Variants in ZC3H3 observed in about 807,000 individuals in gnomAD.
The protein encoded by ZC3H3 is zinc finger CCCH-type containing 3, also known as zinc finger CCCH domain-containing protein 3.
Under a neutral mutation model 77.3 loss-of-function variants are expected in ZC3H3, and 36 were observed. The observed-to-expected ratio is 0.47, with a 90% confidence interval of 0.36 to 0.61. ZC3H3 has a LOEUF of 0.61. Among genes scored for constraint, ZC3H3 ranks in the 20% least tolerant of loss-of-function variants. The pLI is 0.00. For synonymous variants in ZC3H3, 626 were observed against 555.2 expected, an observed-to-expected ratio of 1.13 and a Z score of -1.79; for missense variants, 1,331 against 1,312.2, an observed-to-expected ratio of 1.01 and a Z score of -0.22.
At chr8:143,469,042 C>T (rs559767175) in intron 5 of ZC3H3, among the ~76,000 whole-genome samples, 4 of 152,368 alleles carry the variant, frequency 2.6e-5, no homozygotes, top group Admixed American at 1.3e-4. Context: ...CTCCCCAGGG[C>T]CACGCTTTGC....
rs1265754741 is a variant in ZC3H3, at chr8:143,494,310, A to C, written c.1715+13436T>G. ...GTTTTCTCAAATGACAGAGTATCTCAGAGAGCGTGAGTGAGCAGCTCAGGC... is the reference window on the plus strand; with the variant it reads ...GTTTTCTCAAATGACAGAGTATCTCCGAGAGCGTGAGTGAGCAGCTCAGGC... On this transcript the variant is annotated intron_variant, in intron 4 of 11. Transcript: ENST00000262577. This position sits in a 1 kb window ranked among gnomAD's most constrained non-coding sequence, Gnocchi z 5.3. 6.6e-6 allele frequency among the ~76,000 whole-genome samples: 1 copy of C among 152,230 alleles called. No individual in the cohort carries two copies. The highest frequency in any genetic ancestry group is 2.4e-5 in the African/African-American group (1 of 41,468).
intron 5 of ZC3H3, among the ~76,000 whole-genome samples, 166 bp from the exon 6 acceptor site, chr8:143,468,825 T>G (rs1312593324): frequency 2.0e-5 from 3 of 152,178 alleles, no homozygotes; most frequent in Non-Finnish European, 4.4e-5. Context: ...GTGGTTCAGA[T>G]GCCCTGGGCC....
At position 143,538,445 on chromosome 8, in the gene ZC3H3, T is replaced by C; in HGVS notation, c.922A>G (p.Lys308Glu). Residue 308 changes from lysine to glutamate, a missense_variant, in exon 2 of 12, where the codon AAA (lysine) becomes GAA (glutamate). Physicochemically the swap from Lys to Glu is moderately conservative, Grantham distance 56. Transcript: ENST00000262577. ...VVTCRTNKFR[K>E]NNYKWVAASS... is the part of the protein sequence containing the mutation. ...GCAGCCACCCATTTGTAGTTGTTTT[T>C]CCGGAACTTGTTAGTTCGACAGGTC... The C allele has an allele frequency of 1.9e-6, 3 of 1,613,148 alleles. No individual in the cohort carries two copies. The highest frequency in any genetic ancestry group is 1.3e-5 in the African/African-American group (1 of 75,068).
intron 4 of ZC3H3, among the ~76,000 whole-genome samples, chr8:143,504,608 G>A (rs550118281): frequency 7.9e-5 from 12 of 152,196 alleles, no homozygotes; most frequent in South Asian, 2.1e-4. Flanking sequence ...AGGCAGGGAC[G>A]GGCTGTCAGG....
rs755985674 is a variant in ZC3H3 at position 143,475,528 on chromosome 8, C to T, written c.1773G>A (p.Pro591=). The change falls in exon 5 of 12, where the codon CCG becomes CCA. Residue 591 remains proline, a synonymous_variant. Transcript: ENST00000262577. The part of the protein sequence containing the change: ...PVASGGGKAQ[P]GSPWWRSKGY... Reference sequence around the variant, plus strand: ...CTTTGCTCCGCCACCAAGGGGAGCCCGGTTGGGCTTTCCCACCCCCGCTGG... The same window carrying T: ...CTTTGCTCCGCCACCAAGGGGAGCCTGGTTGGGCTTTCCCACCCCCGCTGG... 8.1e-5 allele frequency: 131 copies of T among 1,611,128 alleles called. 2 individuals are homozygous for T. The East Asian group carries it at 2.1e-3, about 26-fold the overall frequency.
chr8:143,511,945 G>A (rs145257217), intron 3 of ZC3H3, among the ~76,000 whole-genome samples: 61 of 152,382 alleles, frequency 4.0e-4, no homozygotes, highest in Middle Eastern at 3.4e-3. Flanking sequence ...AGACTGGCAC[G>A]GAATTTGCTG....
intron 11 of ZC3H3, among the ~76,000 whole-genome samples, chr8:143,438,688 C>A (rs531008168): frequency 1.3e-5 from 2 of 152,312 alleles, no homozygotes; most frequent in South Asian, 4.1e-4. Flanking sequence ...GCCAGCGCCT[C>A]TCCTCCCTCC....
chr8:143,536,140 CCCAGCCAGGGCCTCTA>C, intron 3 of ZC3H3, 101 bp downstream of exon 3: 1 of 1,306,706 alleles, frequency 7.7e-7, no homozygotes, highest in Non-Finnish European at 1.0e-6. Flanking sequence ...GCAGTGCCCT[CCCAGCCAGGGCCTCTA>C]CCAGCATGAG....
rs1273386206 is a variant in ZC3H3, at chr8:143,494,524, C to T, written c.1715+13222G>A. Among the ~76,000 whole-genome samples, 1 of 152,182 alleles carries T rather than the reference C, an allele frequency of 6.6e-6. No individual in the cohort carries two copies. The highest frequency in any genetic ancestry group is 1.5e-5 in the Non-Finnish European group (1 of 68,038). ...CCTGCCAACAGGCCCACACAAGGCC[C>T]GGGCAGGTCAGGGCCTCAGAGCACA... On this transcript the variant is annotated intron_variant, in intron 4 of 11. Coordinates refer to ENST00000262577, the MANE Select transcript of ZC3H3 (RefSeq NM_015117.3). This position sits in a 1 kb window ranked among gnomAD's most constrained non-coding sequence, Gnocchi z 5.3.
chr8:143,523,601 T>C, intron 3 of ZC3H3: 1 of 939,166 alleles, frequency 1.1e-6, no homozygotes, highest in African/African-American at 1.8e-5. Flanking sequence ...TTCCAGGACA[T>C]CCGTTTGAGG....
chr8:143,506,409 A>C (rs1319350042), intron 4 of ZC3H3, among the ~76,000 whole-genome samples: 1 of 152,046 alleles, frequency 6.6e-6, no homozygotes, highest in Non-Finnish European at 1.5e-5. Flanking sequence ...CTCGATCATG[A>C]CTCCCGATCA....
At chr8:143,475,886 C>T (rs1395022644) in intron 4 of ZC3H3, among the ~76,000 whole-genome samples, 3 of 152,190 alleles carry the variant, frequency 2.0e-5, no homozygotes, top group African/African-American at 7.2e-5. Flanking sequence ...AACTCATGCG[C>T]CCCTAGAAGC....
At chr8:143,522,924 A>T (rs981747477) in intron 3 of ZC3H3, among the ~76,000 whole-genome samples, 1 of 146,964 alleles carries the variant, frequency 6.8e-6, no homozygotes, top group Non-Finnish European at 1.5e-5. Context: ...TGTCTCAAAA[A>T]AATATATATA....
intron 3 of ZC3H3, among the ~76,000 whole-genome samples, chr8:143,532,347 T>C (rs1822643554): frequency 1.3e-5 from 2 of 152,252 alleles, no homozygotes; most frequent in Non-Finnish European, 2.9e-5. Flanking sequence ...CAGGGCTGCC[T>C]GGCAGCTTTC....
At chr8:143,534,723 G>A (rs1236326855) in intron 3 of ZC3H3, among the ~76,000 whole-genome samples, 1 of 152,094 alleles carries the variant, frequency 6.6e-6, no homozygotes, top group African/African-American at 2.4e-5. Flanking sequence ...ATAAGCCCAC[G>A]ACCTAACCAC....
chr8:143,484,040 CA>C (rs775131303), intron 4 of ZC3H3, among the ~76,000 whole-genome samples: 3 of 151,758 alleles, frequency 2.0e-5, no homozygotes, highest in Non-Finnish European at 2.9e-5. Context: ...CACCAGCGGC[CA>C]GGGGCGCCAT....
chr8:143,505,671 G>A (rs955000326), intron 4 of ZC3H3, among the ~76,000 whole-genome samples: 1 of 152,192 alleles, frequency 6.6e-6, no homozygotes, highest in Admixed American at 6.5e-5. Flanking sequence ...GGAAAGCAAG[G>A]AGGGCCCCTC....
chr8:143,465,934 G>A lies in ZC3H3; in HGVS notation c.2176-86C>T, dbSNP rs578245885. 3.4e-5 allele frequency: 51 copies of A among 1,491,040 alleles called. No individual in the cohort carries two copies. In the African/African-American group the frequency reaches 5.1e-4, roughly 15 times the overall value. The allele number at this position is 1,491,040 out of a possible 1,614,324, so 92.4% of individuals were successfully genotyped here. On this transcript the variant is annotated intron_variant, in intron 8 of 11. Coordinates refer to ENST00000262577, the MANE Select transcript of ZC3H3 (RefSeq NM_015117.3). ...TGGCTGGGGACCCTCCTACGGCCCC[G>A]CCCGAGAGAGAAATGGACACGCGGC... is the stretch of plus-strand genomic sequence containing the variant.
At chr8:143,522,876 C>T (rs1822294939) in intron 3 of ZC3H3, among the ~76,000 whole-genome samples, 1 of 152,110 alleles carries the variant, frequency 6.6e-6, no homozygotes, top group South Asian at 2.1e-4. Context: ...AGTGAGATGG[C>T]GCCCCTGCAC....
Sources: allele counts gnomAD v4.1 joint callset (sites outside exome capture counted in the v4.1 genomes callset), GRCh38; gene constraint gnomAD v4.1.1; non-coding constraint Gnocchi (gnomAD v3.1); transcripts MANE v1.5; gene names NCBI Gene and HGNC (gene_info 2026-07-23, HGNC 2026-07-21).